The following TRPM3 variants were observed in gnomAD, a reference collection of about 807,000 sequenced individuals.
TRPM3 encodes the protein long transient receptor potential channel 3.
A neutral mutation model predicts 181.2 loss-of-function variants in TRPM3; 77 were observed. That is an observed-to-expected ratio of 0.42 (90% confidence interval 0.35 to 0.51). The LOEUF (loss-of-function observed/expected upper bound fraction) is 0.51, where lower values mean the gene tolerates loss of function less well. TRPM3 is among the 20% of genes least tolerant of loss of function. The pLI is 0.01. For synonymous variants in TRPM3, 745 were observed against 796.4 expected (o/e 0.94, Z 1.09); for missense variants, 1,759 against 2,196.7 (o/e 0.80, Z 3.98).
intron 1 of TRPM3, among the ~76,000 whole-genome samples, chr9:71,164,052 G>A (rs141992521): frequency 1.8e-4 from 27 of 152,202 alleles, no homozygotes; most frequent in East Asian, 1.4e-3. Flanking sequence ...GCTAATGAGC[G>A]TATGCACAAA....
chr9:70,688,165 C>T (rs1302909812), intron 8 of TRPM3, among the ~76,000 whole-genome samples: 1 of 152,124 alleles, frequency 6.6e-6, no homozygotes, highest in Non-Finnish European at 1.5e-5. Flanking sequence ...GCTGTTCAGG[C>T]CATCTTCCAT....
At chr9:71,338,147 G>C (rs2090698613) in intron 1 of TRPM3, among the ~76,000 whole-genome samples, 1 of 151,028 alleles carries the variant, frequency 6.6e-6, no homozygotes, top group South Asian at 2.1e-4. Flanking sequence ...TAAGTCAAAA[G>C]GCTTGGTAAA....
intron 1 of TRPM3, among the ~76,000 whole-genome samples, chr9:71,299,746 A>G (rs1297879807): frequency 6.6e-6 from 1 of 152,150 alleles, no homozygotes; most frequent in African/African-American, 2.4e-5. Flanking sequence ...TCTGTTGGCT[A>G]ACACCATATA....
chr9:71,396,293 T>A (rs1490061050), intron 1 of TRPM3, among the ~76,000 whole-genome samples: 2 of 112,984 alleles, frequency 1.8e-5, no homozygotes. Flanking sequence ...ACAAAAAAAG[T>A]GCTATTGCTA....
intron 1 of TRPM3, among the ~76,000 whole-genome samples, chr9:70,956,295 C>T (rs1181521900): frequency 1.8e-5 from 1 of 55,158 alleles, no homozygotes; most frequent in Admixed American, 2.5e-4. Context: ...GAGAAATACA[C>T]CTTTTTTTTT....
intron 6 of TRPM3, among the ~76,000 whole-genome samples, chr9:70,786,144 G>A (rs1160263146): frequency 6.6e-6 from 1 of 151,742 alleles, no homozygotes; most frequent in African/African-American, 2.4e-5. Context: ...TGATGATTGA[G>A]TAAATTCCTG....
At chr9:71,401,787 G>A (rs1405366351) in intron 1 of TRPM3, among the ~76,000 whole-genome samples, 2 of 152,098 alleles carry the variant, frequency 1.3e-5, no homozygotes, top group African/African-American at 2.4e-5. Context: ...CATTTCAAAG[G>A]ACATCAGCCT....
intron 1 of TRPM3, among the ~76,000 whole-genome samples, chr9:71,112,815 G>C (rs2071420397): frequency 6.6e-6 from 1 of 152,176 alleles, no homozygotes; most frequent in South Asian, 2.1e-4. Flanking sequence ...GCTTTATCTA[G>C]CTTAGAGGAT....
rs190385745 is a variant in TRPM3 at position 70,562,356 on chromosome 9, C to T, written c.3224-9046G>A. Reference sequence around the variant, plus strand: ...AGCCAACTGTAGGCCACTTGTAGAACCTTAATCTTTTTATTCCTGGTAGAA... The same window carrying T: ...AGCCAACTGTAGGCCACTTGTAGAATCTTAATCTTTTTATTCCTGGTAGAA... On this transcript the variant is annotated intron_variant, in intron 22 of 25. Coordinates refer to ENST00000677713, the MANE Select transcript of TRPM3 (RefSeq NM_001366145.2). Among the ~76,000 whole-genome samples, 1,218 of 152,230 alleles carry T rather than the reference C, an allele frequency of 8.0e-3. 5 individuals are homozygous for T. Among genetic ancestry groups the T allele is most frequent in the Non-Finnish European group, 0.014 (938 of 68,016 alleles).
intron 1 of TRPM3, among the ~76,000 whole-genome samples, chr9:71,324,392 T>C (rs971017969): frequency 2.0e-5 from 3 of 151,948 alleles, no homozygotes; most frequent in East Asian, 1.9e-4. Context: ...ATCAGAGAAA[T>C]ACAAATCAAA....
intron 1 of TRPM3, among the ~76,000 whole-genome samples, chr9:71,240,862 C>T (rs958352912): frequency 1.3e-5 from 2 of 151,986 alleles, no homozygotes; most frequent in African/African-American, 4.8e-5. Flanking sequence ...CTAGGTCATG[C>T]CAGGGATAAA....
intron 1 of TRPM3, among the ~76,000 whole-genome samples, chr9:71,153,569 C>G (rs1587677680): frequency 6.6e-6 from 1 of 152,092 alleles, no homozygotes; most frequent in East Asian, 1.9e-4. Flanking sequence ...ATGCACGAGC[C>G]ACCACGCCCG....
At chr9:71,292,294 A>G (rs2085881472) in intron 1 of TRPM3, among the ~76,000 whole-genome samples, 1 of 151,958 alleles carries the variant, frequency 6.6e-6, no homozygotes, top group Admixed American at 6.6e-5. Context: ...TTAACAAGCT[A>G]TCAGAAAAAA....
intron 25 of TRPM3, 30 bp from the exon 26 acceptor site, chr9:70,537,435 T>G: frequency 7.1e-7 from 1 of 1,416,514 alleles, no homozygotes; most frequent in Non-Finnish European, 9.2e-7. Context: ...TGAGAGTCAC[T>G]CGGCCTGGTT....
chr9:70,930,522 C>G (rs1209809258), intron 1 of TRPM3, among the ~76,000 whole-genome samples: 1 of 152,076 alleles, frequency 6.6e-6, no homozygotes, highest in African/African-American at 2.4e-5. Flanking sequence ...TTATTTAAAT[C>G]TTAACATTTA....
At chr9:71,302,370 G>C (rs1238852028) in intron 1 of TRPM3, among the ~76,000 whole-genome samples, 1 of 152,136 alleles carries the variant, frequency 6.6e-6, no homozygotes, top group African/African-American at 2.4e-5. Flanking sequence ...CTACCTAATT[G>C]ATATGAAAGT....
At chr9:71,108,484 A>G (rs1160918076) in intron 1 of TRPM3, among the ~76,000 whole-genome samples, 4 of 152,144 alleles carry the variant, frequency 2.6e-5, no homozygotes, top group African/African-American at 9.7e-5. Context: ...CTCTGACCAG[A>G]GCTAAATAAA....
At chr9:71,293,470 C>T (rs1334116560) in intron 1 of TRPM3, among the ~76,000 whole-genome samples, 1 of 151,522 alleles carries the variant, frequency 6.6e-6, no homozygotes, top group African/African-American at 2.4e-5. Flanking sequence ...ATATCCTTTA[C>T]AAATAAAAAA....
chr9:71,271,925 C>A (rs1470821371), intron 1 of TRPM3, among the ~76,000 whole-genome samples: 1 of 152,160 alleles, frequency 6.6e-6, no homozygotes, highest in Non-Finnish European at 1.5e-5. Context: ...CCCCAGGGAG[C>A]CAAACTAGTG....
Sources: allele counts gnomAD v4.1 joint callset (sites outside exome capture counted in the v4.1 genomes callset), GRCh38; gene constraint gnomAD v4.1.1; transcripts MANE v1.5; gene names NCBI Gene and HGNC (gene_info 2026-07-23, HGNC 2026-07-21).